ELOA: variants seen among roughly 807,000 people sequenced by gnomAD.
ELOA encodes the protein elongin A.
ELOA carries 15 observed loss-of-function variants against 85.2 expected under a neutral mutation model. That is an observed-to-expected ratio of 0.18 (90% CI 0.12 to 0.27). ELOA has a LOEUF of 0.27. Among genes scored for constraint, ELOA ranks in the 10% least tolerant of loss-of-function variants. The pLI, the probability that ELOA is intolerant of heterozygous loss-of-function variation, is 1.00. For synonymous variants in ELOA, 348 were observed against 357.2 expected, an observed-to-expected ratio of 0.97 and a Z score of 0.29; for missense variants, 769 against 952.7, an observed-to-expected ratio of 0.81 and a Z score of 2.54.
At chr1:23,746,441 C>T (rs916163372) in intron 1 of ELOA, among the ~76,000 whole-genome samples, 2 of 151,364 alleles carry the variant, frequency 1.3e-5, no homozygotes, top group African/African-American at 4.9e-5. Flanking sequence ...AACCCCATCT[C>T]TACTAAAAAT....
chr1:23,749,301 C>T (rs1644759180), intron 2 of ELOA, among the ~76,000 whole-genome samples: 1 of 152,144 alleles, frequency 6.6e-6, no homozygotes, highest in South Asian at 2.1e-4. Context: ...TTGGGAGGAA[C>T]AGGATTTCTT....
rs896495087 is a variant in ELOA, at chr1:23,761,562, G to A, written c.*1989G>A. 6.6e-6 allele frequency: 1 copy of A among 152,132 alleles called. No homozygotes were observed. The highest frequency in any genetic ancestry group is 2.4e-5 in the African/African-American group (1 of 41,414). The allele number at this position is 152,132 out of a possible 1,614,324, so 9.4% of individuals were successfully genotyped here. Reference sequence around the variant, plus strand: ...TTTGGCACATAAAGATTTTTGATGAGCCCTGTTTGCATAGAGCCAGATGTT... The same window carrying A: ...TTTGGCACATAAAGATTTTTGATGAACCCTGTTTGCATAGAGCCAGATGTT... On this transcript the variant is annotated 3_prime_UTR_variant, in exon 11 of 11. Coordinates refer to ENST00000613537, the MANE Select transcript of ELOA (RefSeq NM_003198.3).
chr1:23,750,426 C>T (rs1348593719), intron 3 of ELOA, among the ~76,000 whole-genome samples: 5 of 151,986 alleles, frequency 3.3e-5, no homozygotes, highest in African/African-American at 7.2e-5. Flanking sequence ...GTGATCTGCC[C>T]GCCTCGGCCT....
chr1:23,748,216 C>G (rs572810273), intron 1 of ELOA, among the ~76,000 whole-genome samples: 9 of 152,224 alleles, frequency 5.9e-5, no homozygotes, highest in Middle Eastern at 6.8e-3. Flanking sequence ...TCTCTGAATC[C>G]TCATAGTTTG....
chr1:23,757,322 G>A (rs1270802125), intron 10 of ELOA, among the ~76,000 whole-genome samples, 197 bp downstream of exon 10: 1 of 152,130 alleles, frequency 6.6e-6, no homozygotes, highest in South Asian at 2.1e-4. Context: ...TAGTTATAGT[G>A]AGTCTGGGTG....
rs1644760899 is a variant in ELOA at position 23,749,820 on chromosome 1, C to T, written c.133-22C>T. 1.9e-6 allele frequency: 3 copies of T among 1,609,726 alleles called. No homozygotes were observed. The South Asian group carries it at 3.3e-5, about 18-fold the overall frequency. ...TTAGCCTAGTTCCAGACCCCTCTAACAATTACTTTGTCAAATTTTAGGAGA... is the reference window on the plus strand; with the variant it reads ...TTAGCCTAGTTCCAGACCCCTCTAATAATTACTTTGTCAAATTTTAGGAGA... On this transcript the variant is annotated intron_variant, in intron 2 of 10. Transcript: ENST00000613537.
At chr1:23,757,461 A>G (rs1401147553) in intron 10 of ELOA, among the ~76,000 whole-genome samples, 1 of 152,188 alleles carries the variant, frequency 6.6e-6, no homozygotes, top group Non-Finnish European at 1.5e-5. Context: ...AATAGGGCAT[A>G]GTGGTACACA....
chr1:23,743,664 G>A (rs951630182), intron 1 of ELOA, 86 bp downstream of exon 1: 22 of 1,357,118 alleles, frequency 1.6e-5, no homozygotes, highest in Middle Eastern at 2.2e-4. Context: ...GGCGGGGTTC[G>A]GGGGCTGGGA....
Position 23,743,557 on chromosome 1 carries a change from C to G in ELOA, c.54C>G (p.Ala18=), listed in dbSNP as rs1385119950. 2 of 1,495,798 alleles carry G rather than the reference C, an allele frequency of 1.3e-6. No homozygotes were observed. Among genetic ancestry groups the G allele is most frequent in the Non-Finnish European group, 1.8e-6 (2 of 1,127,836 alleles). 92.7% of individuals were successfully genotyped at this position (1,495,798 alleles called of 1,614,324 possible). Residue 18 remains alanine, a synonymous_variant, in exon 1 of 11, where the codon GCC becomes GCG. Transcript: ENST00000613537. The part of the protein sequence containing the change: ...QVVEKLQARL[A]ANPDPKKLLK... ...TGGAGAAGCTGCAGGCGCGCCTGGC[C>G]GCGAACCCGGACCCTAAGAAGGTAA...
chr1:23,743,476 C>T lies in ELOA; in HGVS notation c.-28C>T, dbSNP rs1321164115. The T allele has an allele frequency of 1.7e-5, 26 of 1,501,464 alleles. No homozygotes were observed. The highest frequency in any genetic ancestry group is 2.8e-5 in the East Asian group (1 of 35,714). 93.0% of individuals were successfully genotyped at this position (1,501,464 alleles called of 1,614,324 possible). A position where few individuals can be genotyped will look rare whatever the true frequency, so the allele number is the denominator to read the frequency against. ...CGAGGACGCGACGCGAGCCCAGTTC[C>T]GGCGAGGAGGCCGCGCCAGTGACAG... On this transcript the variant is annotated 5_prime_UTR_variant, in exon 1 of 11. Transcript: ENST00000613537.
chr1:23,746,382 C>T (rs1224220342), intron 1 of ELOA, among the ~76,000 whole-genome samples: 4 of 146,588 alleles, frequency 2.7e-5, no homozygotes, highest in South Asian at 2.2e-4. Flanking sequence ...CCAAGAGGGG[C>T]GGATCATCTG....
chr1:23,750,342 A>AT (rs1644764278), intron 3 of ELOA, among the ~76,000 whole-genome samples: 1 of 151,654 alleles, frequency 6.6e-6, no homozygotes, highest in African/African-American at 2.4e-5. Context: ...CGCCCGGCTA[A>AT]TTTTTTGTAT....
At position 23,750,942 on chromosome 1, in the gene ELOA, C is replaced by G. The variant is rs202188908; in HGVS notation, c.337C>G (p.Gln113Glu). 1 of 1,614,040 alleles carries G rather than the reference C, an allele frequency of 6.2e-7. No individual in the cohort carries two copies. Among genetic ancestry groups the G allele is most frequent in the Non-Finnish European group, 8.5e-7 (1 of 1,180,024 alleles). The part of the protein sequence containing the change: ...QKEEEMEGDY[Q>E]ETWKATGSRS... ...GGAGGAGGAGATGGAGGGGGACTAC[C>G]AAGAAACCTGGAAAGCCACGGGGAG... The change falls in exon 4 of 11, where the codon CAA becomes GAA. Residue 113 changes from glutamine (Q) to glutamate (E), a missense_variant. Gln to Glu is a conservative substitution (Grantham distance 29). Around this residue, in one of 4 missense-constraint regions of ELOA, gnomAD observed 440 missense variants for 474.0 expected, o/e 0.93. Transcript: ENST00000613537.
intron 10 of ELOA, among the ~76,000 whole-genome samples, chr1:23,758,265 T>TTTTTTA (rs1638236741): frequency 2.5e-5 from 2 of 81,096 alleles, no homozygotes; most frequent in African/African-American, 1.2e-4. Context: ...ATTTATTTTT[T>TTTTTTA]TTTTTTTTTT....
chr1:23,750,554 C>T (rs1474932343), intron 3 of ELOA, among the ~76,000 whole-genome samples: 2 of 152,056 alleles, frequency 1.3e-5, no homozygotes, highest in African/African-American at 4.8e-5. Context: ...TGAGCAGCCC[C>T]CATTTTATAT....
chr1:23,758,848 C>T lies in ELOA; in HGVS notation c.2258-664C>T, dbSNP rs116837869. 1.8e-3 allele frequency among the ~76,000 whole-genome samples: 272 copies of T among 152,012 alleles called. 4 individuals are homozygous for T. The highest frequency in any genetic ancestry group is 6.2e-3 in the African/African-American group (258 of 41,464). On this transcript the variant is annotated intron_variant, in intron 10 of 10. Transcript: ENST00000613537. ...ACTGGACAGATTGGGGGTAGACGTG[C>T]TGTTTACTGGTTTGGCTATTTGTGA...
chr1:23,749,282 C>T (rs1644759112), intron 2 of ELOA, among the ~76,000 whole-genome samples: 1 of 152,062 alleles, frequency 6.6e-6, no homozygotes, highest in Non-Finnish European at 1.5e-5. Flanking sequence ...TTGCCAGGGG[C>T]TAGGAGAATT....
intron 1 of ELOA, among the ~76,000 whole-genome samples, chr1:23,746,182 G>A (rs112198024): frequency 6.6e-6 from 1 of 151,514 alleles, no homozygotes; most frequent in Non-Finnish European, 1.5e-5. Flanking sequence ...CCAGCTGCTC[G>A]GGAGGCTGAG....
At chr1:23,749,973 G>GT in intron 3 of ELOA, 25 bp downstream of exon 3, 1 of 1,564,852 alleles carries the variant, frequency 6.4e-7, no homozygotes, top group Admixed American at 1.8e-5. Context: ...CTTTAGGTTT[G>GT]TTCAATTTCA....
Sources: gnomAD v4.1 joint callset for allele counts (sites outside exome capture counted in the v4.1 genomes callset) on GRCh38, gnomAD v4.1.1 for gene constraint, gnomAD v4.1.1 regional missense constraint, MANE v1.5 for transcripts, NCBI Gene and HGNC (gene_info 2026-07-23, HGNC 2026-07-21) for gene names.